Variants in TMEM181 observed in about 807,000 individuals in gnomAD.
TMEM181 encodes G protein-coupled receptor 178.
Under a neutral mutation model 71.9 loss-of-function variants are expected in TMEM181, and 39 were observed. The observed-to-expected ratio is 0.54, with a 90% confidence interval of 0.42 to 0.71. The LOEUF is 0.71. Ranked by LOEUF, TMEM181 falls within the 30% of genes least tolerant of loss-of-function variation. TMEM181 has a pLI of 0.00. For missense variants in TMEM181, 595 were observed against 583.0 expected (o/e 1.02, Z -0.21); for synonymous variants, 245 against 228.8 (o/e 1.07, Z -0.64).
At chr6:158,605,126 A>G (rs1784871479) in intron 6 of TMEM181, 141 bp from the exon 7 acceptor site, 2 of 477,056 alleles carry the variant, frequency 4.2e-6, no homozygotes, top group South Asian at 4.9e-5. Context: ...AAAAAAAAAA[A>G]AAAAAGTGTG....
intron 13 of TMEM181, 48 bp downstream of exon 13, chr6:158,625,802 T>C: frequency 6.5e-7 from 1 of 1,531,428 alleles, no homozygotes; most frequent in Non-Finnish European, 9.0e-7. Context: ...ATTTTTCTTT[T>C]ACTGTCAGGA....
intron 1 of TMEM181, among the ~76,000 whole-genome samples, chr6:158,538,382 T>A (rs1781211528): frequency 6.6e-6 from 1 of 151,950 alleles, no homozygotes; most frequent in African/African-American, 2.4e-5. Context: ...CTCAAACTCC[T>A]GGGCTCAAGT....
intron 8 of TMEM181, among the ~76,000 whole-genome samples, chr6:158,607,580 G>T (rs1312289603): frequency 6.6e-6 from 1 of 152,178 alleles, no homozygotes; most frequent in African/African-American, 2.4e-5. Context: ...TGAGGTGGGT[G>T]GATTGCTTGA....
chr6:158,536,976 G>A (rs1462976337), intron 1 of TMEM181: 78 of 788,948 alleles, frequency 9.9e-5, no homozygotes, highest in Non-Finnish European at 1.1e-4. Flanking sequence ...GGCCGCCTCC[G>A]CCGGCCGGGC....
At chr6:158,586,918 G>C (rs1231534922) in intron 5 of TMEM181, among the ~76,000 whole-genome samples, 1 of 152,326 alleles carries the variant, frequency 6.6e-6, no homozygotes, top group East Asian at 1.9e-4. Context: ...AGTGAGGCCT[G>C]TGTGCGGGAG....
intron 5 of TMEM181, among the ~76,000 whole-genome samples, chr6:158,589,343 C>T (rs1783968477): frequency 6.6e-6 from 1 of 152,200 alleles, no homozygotes; most frequent in Admixed American, 6.5e-5. Context: ...GCTTACGTTT[C>T]CCCTGTGCTC....
In TMEM181 at chr6:158,537,188, C is replaced by G. The variant is rs530433731; in HGVS notation, c.131+323C>G. Among the ~76,000 whole-genome samples, 37 of 152,116 alleles carry G rather than the reference C, an allele frequency of 2.4e-4. 1 individual carries two copies. The East Asian group carries it at 7.2e-3, about 29-fold the overall frequency. The stretch of plus-strand genomic sequence containing the variant: ...CCCGGAAAGGAGCTGCGGGTTGTGG[C>G]TCCTCCCTGCGCCCCGCGTCGTTCT... On this transcript the variant is annotated intron_variant, in intron 1 of 16. Coordinates refer to the TMEM181 transcript ENST00000367090.
At chr6:158,604,103 T>A (rs908627859) in intron 6 of TMEM181, among the ~76,000 whole-genome samples, 2 of 152,230 alleles carry the variant, frequency 1.3e-5, no homozygotes, top group African/African-American at 4.8e-5. Flanking sequence ...AGGCACTGGC[T>A]TTTTGGGAGG....
chr6:158,586,351 T>C (rs186468338), intron 5 of TMEM181, among the ~76,000 whole-genome samples: 1 of 152,188 alleles, frequency 6.6e-6, no homozygotes, highest in African/African-American at 2.4e-5. Context: ...AGGAAAGTAA[T>C]GTCAGAAGCC....
intron 10 of TMEM181, among the ~76,000 whole-genome samples, chr6:158,619,612 T>C (rs903997891): frequency 6.6e-6 from 1 of 152,160 alleles, no homozygotes; most frequent in Non-Finnish European, 1.5e-5. Flanking sequence ...GGCTCACGCC[T>C]ATAATCCCAG....
chr6:158,627,476 T>A (rs1786384095), intron 13 of TMEM181, among the ~76,000 whole-genome samples: 1 of 152,198 alleles, frequency 6.6e-6, no homozygotes, highest in Non-Finnish European at 1.5e-5. Flanking sequence ...CAAGGAGATG[T>A]GACTTGCAGA....
intron 2 of TMEM181, among the ~76,000 whole-genome samples, chr6:158,579,944 G>A (rs1024195776): frequency 5.3e-5 from 8 of 152,282 alleles, no homozygotes; most frequent in African/African-American, 1.9e-4. Context: ...TGTTTGATAG[G>A]CACAGTGTTT....
rs200307986 is a variant in TMEM181, at chr6:158,605,295, G to T, written c.521G>T (p.Arg174Leu). ...AAGACTTATAACCCTGCCTTCTCCC[G>T]GTTGGAAATCTGGTTCCGGTTTTTC... ...TWKTYNPAFSRLEIWFRFFFV... is the reference protein window; with the variant it reads ...TWKTYNPAFSLLEIWFRFFFV... The change falls in exon 7 of 17, where the codon CGG becomes CTG. Residue 174 changes from arginine (R) to leucine (L), a missense_variant. By Grantham distance (102) the Arg-to-Leu change is moderately radical. Coordinates refer to ENST00000684151, the MANE Select transcript of TMEM181 (RefSeq NM_001376852.1). The T allele has an allele frequency of 1.9e-6, 3 of 1,613,674 alleles. No homozygotes were observed. Among genetic ancestry groups the T allele is most frequent in the Admixed American group, 1.7e-5 (1 of 59,956 alleles).
intron 10 of TMEM181, among the ~76,000 whole-genome samples, chr6:158,615,264 CTT>C (rs1303505359): frequency 6.6e-6 from 1 of 152,178 alleles, no homozygotes; most frequent in Non-Finnish European, 1.5e-5. Flanking sequence ...TTTCATGTGT[CTT>C]TTGGCTGCAG....
intron 2 of TMEM181, among the ~76,000 whole-genome samples, chr6:158,573,949 C>T (rs1016662624): frequency 1.3e-5 from 2 of 151,290 alleles, no homozygotes; most frequent in South Asian, 2.1e-4. Flanking sequence ...GAGCATGGGG[C>T]GGGGTGGCTG....
intron 1 of TMEM181, among the ~76,000 whole-genome samples, chr6:158,570,658 C>T (rs1013122780): frequency 7.9e-5 from 12 of 152,134 alleles, no homozygotes; most frequent in Non-Finnish European, 1.2e-4. Flanking sequence ...TCTGAGACAG[C>T]GCTGCAGGCT....
intron 10 of TMEM181, among the ~76,000 whole-genome samples, chr6:158,609,348 C>T (rs1186430811): frequency 6.6e-6 from 1 of 151,850 alleles, no homozygotes; most frequent in African/African-American, 2.4e-5. Flanking sequence ...AGGAGGGTGA[C>T]TTTAGTCACA....
intron 1 of TMEM181, among the ~76,000 whole-genome samples, chr6:158,543,022 C>T (rs1329951549): frequency 2.0e-5 from 3 of 151,610 alleles, no homozygotes; most frequent in African/African-American, 7.3e-5. Context: ...ACTACAGGTG[C>T]GTGCCACCAC....
chr6:158,595,053 T>C (rs934140489), intron 6 of TMEM181, among the ~76,000 whole-genome samples: 1 of 152,216 alleles, frequency 6.6e-6, no homozygotes, highest in Non-Finnish European at 1.5e-5. Flanking sequence ...TATAATGCCT[T>C]TTCTTAGAGA....
Sources: gnomAD v4.1 joint callset for allele counts (sites outside exome capture counted in the v4.1 genomes callset) on GRCh38, gnomAD v4.1.1 for gene constraint, MANE v1.5 for transcripts, NCBI Gene and HGNC (gene_info 2026-07-23, HGNC 2026-07-21) for gene names.